CSPG4: variants seen among roughly 807,000 people sequenced by gnomAD.
The protein encoded by CSPG4 is chondroitin sulfate proteoglycan 4.
A neutral mutation model predicts 139.3 loss-of-function variants in CSPG4; 74 were observed. The ratio of observed to expected loss-of-function variants is 0.53; its 90% CI spans 0.44 to 0.64. The LOEUF (loss-of-function observed/expected upper bound fraction) is 0.64, where lower values mean the gene tolerates loss of function less well. Among genes scored for constraint, CSPG4 ranks in the 30% least tolerant of loss-of-function variants. The pLI is 0.00. For synonymous variants in CSPG4, 1,234 were observed against 1,394.2 expected (o/e 0.89, Z 2.56); for missense variants, 2,565 against 3,148.3 (o/e 0.81, Z 4.43).
At chr15:75,699,513 G>A (rs1325685780) in intron 1 of CSPG4, among the ~76,000 whole-genome samples, 3 of 152,210 alleles carry the variant, frequency 2.0e-5, no homozygotes, top group East Asian at 3.9e-4. Context: ...GAGGGAACCC[G>A]TCTGGAAGAT....
intron 5 of CSPG4, 105 bp downstream of exon 5, chr15:75,684,631 G>A (rs1392960437): frequency 2.2e-5 from 24 of 1,069,358 alleles, no homozygotes; most frequent in Non-Finnish European, 3.1e-5. Context: ...ATTTTGCAGA[G>A]GAGGAAACTG....
intron 1 of CSPG4, among the ~76,000 whole-genome samples, chr15:75,700,879 G>C (rs572146712): frequency 6.6e-6 from 1 of 152,162 alleles, no homozygotes; most frequent in Non-Finnish European, 1.5e-5. Flanking sequence ...GTGCACAGTA[G>C]CCTTGTGTGC....
intron 1 of CSPG4, among the ~76,000 whole-genome samples, chr15:75,704,236 G>A (rs1894341398): frequency 1.3e-5 from 2 of 151,716 alleles, no homozygotes. Flanking sequence ...CTAGGAGACT[G>A]AAGATTCCAC....
Position 75,689,308 on chromosome 15 carries a change from G to A in CSPG4, c.1757C>T (p.Ala586Val). The change falls in exon 3 of 10, where the codon GCC becomes GTC. Residue 586 changes from alanine (A) to valine (V), a missense_variant. Ala to Val is a moderately conservative substitution (Grantham distance 64, BLOSUM62 0). Around this residue, in one of 5 missense-constraint regions of CSPG4, gnomAD observed 2,316 missense variants for 2,818.2 expected, o/e 0.82. Transcript: ENST00000308508. ...GACCTGGAAGGTGAGGCCCTCACAG[G>A]CAGAGTCCGGGTCATAGGCCTGGAA... ...EVFQAYDPDS[A>V]CEGLTFQVLG... is the part of the protein sequence containing the mutation. 1 of 1,611,000 alleles carries A rather than the reference G, an allele frequency of 6.2e-7. No individual in the cohort carries two copies. Among genetic ancestry groups the A allele is most frequent in the Non-Finnish European group, 8.5e-7 (1 of 1,179,850 alleles).
intron 1 of CSPG4, among the ~76,000 whole-genome samples, chr15:75,707,902 T>G (rs1046664509): frequency 3.3e-5 from 5 of 152,068 alleles, no homozygotes; most frequent in African/African-American, 1.2e-4. Flanking sequence ...AGGTGGGATG[T>G]GTGCTCCCGG....
Position 75,688,865 on chromosome 15 carries a change from G to A in CSPG4, c.2200C>T (p.Arg734Trp), listed in dbSNP as rs141088377. 675 of 1,612,356 alleles carry A rather than the reference G, an allele frequency of 4.2e-4. 3 individuals carry two copies. Among genetic ancestry groups the A allele is most frequent in the Non-Finnish European group, 8.3e-5 (98 of 1,179,964 alleles). ...CTCACGCGGCCCTGCTCCACATCCC[G>A]CTGGTGGAACGCCTGTGTGGCCCAC... is the stretch of plus-strand genomic sequence containing the variant. ...EWWATQAFHQ[R>W]DVEQGRVRYL... Residue 734 changes from arginine (R) to tryptophan (W), a missense_variant, in exon 3 of 10, where the codon CGG becomes TGG. Arg to Trp is a moderately radical substitution (Grantham distance 101, BLOSUM62 -3). This residue lies in a region of CSPG4 where 2,316 missense variants were observed against 2,818.2 expected (regional missense o/e 0.82). Coordinates refer to ENST00000308508, the MANE Select transcript of CSPG4 (RefSeq NM_001897.5).
In CSPG4 at chr15:75,676,899, G is replaced by A. The variant is rs765136744; in HGVS notation, c.5620C>T (p.Arg1874Trp). The change falls in exon 10 of 10, where the codon CGG becomes TGG. Residue 1874 changes from arginine to tryptophan, a missense_variant. Arg to Trp is a moderately radical substitution (Grantham distance 101). This residue lies in a region of CSPG4 where 2,316 missense variants were observed against 2,818.2 expected (regional missense o/e 0.82). Coordinates refer to ENST00000308508, the MANE Select transcript of CSPG4 (RefSeq NM_001897.5). ...CTGAGGAAGCCGTTGTGGGGTGCCC[G>A]CTGGACCTCGTACTCAATCTCCCCA... ...APGEIEYEVQ[R>W]APHNGFLSLV... 4.4e-6 allele frequency: 7 copies of A among 1,581,390 alleles called. No individual in the cohort carries two copies. Among genetic ancestry groups the A allele is most frequent in the South Asian group, 1.1e-5 (1 of 87,830 alleles).
Position 75,676,835 on chromosome 15 carries a change from G to C in CSPG4, c.5684C>G (p.Thr1895Arg). 3.9e-6 allele frequency: 6 copies of C among 1,555,888 alleles called. No homozygotes were observed. The highest frequency in any genetic ancestry group is 5.2e-6 in the Non-Finnish European group (6 of 1,152,322). The change falls in exon 10 of 10, where the codon ACG (threonine) becomes AGG (arginine). Residue 1895 changes from threonine to arginine, a missense_variant. Physicochemically the swap from Thr to Arg is moderately conservative, Grantham distance 71. This residue lies in a region of CSPG4 where 2,316 missense variants were observed against 2,818.2 expected (regional missense o/e 0.82). Coordinates refer to ENST00000308508, the MANE Select transcript of CSPG4 (RefSeq NM_001897.5). ...CCGCCCTGAATCCACATCGGCTTGC[G>C]TGAAGCGGGTCACGGGCCCCAGGCC... is the stretch of plus-strand genomic sequence containing the variant. Reference protein sequence around the residue: ...GGGLGPVTRFTQADVDSGRLA... With the variant: ...GGGLGPVTRFRQADVDSGRLA...
At chr15:75,680,715 T>TA (rs1043765250) in intron 8 of CSPG4, 6 of 153,648 alleles carry the variant, frequency 3.9e-5, no homozygotes, top group African/African-American at 1.4e-4. Context: ...TTTTGCCTCT[T>TA]ACTCGCCATG....
intron 5 of CSPG4, among the ~76,000 whole-genome samples, chr15:75,683,377 A>G (rs557508788): frequency 5.3e-4 from 80 of 152,234 alleles, no homozygotes; most frequent in African/African-American, 1.9e-3. Context: ...AGAAACCCCC[A>G]GCGCTGACCA....
At chr15:75,707,382 C>T (rs1894387803) in intron 1 of CSPG4, among the ~76,000 whole-genome samples, 1 of 152,210 alleles carries the variant, frequency 6.6e-6, no homozygotes, top group East Asian at 1.9e-4. Flanking sequence ...CATGTTTAGA[C>T]TTGGGTCCCA....
intron 5 of CSPG4, 46 bp from the exon 6 acceptor site, chr15:75,683,087 A>G: frequency 2.6e-6 from 4 of 1,562,102 alleles, no homozygotes; most frequent in Non-Finnish European, 3.5e-6. Flanking sequence ...GCACTCACCC[A>G]CCCCTTCCTC....
upstream of CSPG4, chr15:75,712,870 G>C: frequency 1.2e-6 from 1 of 836,888 alleles, no homozygotes; most frequent in Non-Finnish European, 1.7e-6. Context: ...GGGTGTCCGC[G>C]CACTTAACTC....
Position 75,706,953 on chromosome 15 carries a change from CTT to C in CSPG4, c.88+5713_88+5714del, listed in dbSNP as rs34579443. On this transcript the variant is annotated intron_variant, in intron 1 of 9. Coordinates refer to ENST00000308508, the MANE Select transcript of CSPG4 (RefSeq NM_001897.5). ...CAGTGGAAAATCTCACACATAAGAA[CTT>C]TTTTTTTTTTTTTTTTTAGATGAAC... Among the ~76,000 whole-genome samples, 968 of 136,468 alleles carry C rather than the reference CTT, an allele frequency of 7.1e-3. 6 individuals carry two copies. Among genetic ancestry groups the C allele is most frequent in the African/African-American group, 0.019 (694 of 36,590 alleles). 89.5% of individuals were successfully genotyped at this position (136,468 alleles called of 152,430 possible).
At position 75,687,456 on chromosome 15, in the gene CSPG4, G is replaced by A. The variant is rs770597792; in HGVS notation, c.3609C>T (p.Gly1203=). 2.6e-5 allele frequency: 42 copies of A among 1,612,444 alleles called. No homozygotes were observed. In the South Asian group the frequency reaches 2.7e-4, roughly 11 times the overall value. Residue 1203 remains glycine (G), a synonymous_variant, in exon 3 of 10, where the codon GGC becomes GGT. Transcript: ENST00000308508. The surrounding 1 kb of genome is among the most constrained non-coding windows in gnomAD (Gnocchi z 5.4). The part of the protein sequence containing the change: ...LDGAVLYSHN[G]SLSPRDTMAF... Reference sequence around the variant, plus strand: ...CCATGGTGTCGCGGGGGCTGAGGCTGCCATTGTGGCTATAGAGAACGGCCC... The same window carrying A: ...CCATGGTGTCGCGGGGGCTGAGGCTACCATTGTGGCTATAGAGAACGGCCC...
Position 75,682,920 on chromosome 15 carries a change from C to CG in CSPG4, c.4570dup (p.Arg1524ProfsTer7). ...GCGCACCTCAGTGCCCGGCGCCCCC[C>CG]GCAGCACTACCCGCCCGTTGCTGGG... On this transcript the variant is annotated frameshift_variant, in exon 6 of 10. Coordinates refer to ENST00000308508, the MANE Select transcript of CSPG4 (RefSeq NM_001897.5). LOFTEE classifies it high-confidence loss of function. The CG allele has an allele frequency of 6.2e-7, 1 of 1,611,128 alleles. No individual in the cohort carries two copies. The highest frequency in any genetic ancestry group is 1.1e-5 in the South Asian group (1 of 90,980).
At position 75,674,525 on chromosome 15, in the gene CSPG4, G is replaced by A. The variant is rs1165513778; in HGVS notation, c.*1025C>T. Reference sequence around the variant, plus strand: ...CCTGGCCCTGTCCATCCCACTGGCTGAGGCCAGGCCGGAGGGCCGACCCCA... The same window carrying A: ...CCTGGCCCTGTCCATCCCACTGGCTAAGGCCAGGCCGGAGGGCCGACCCCA... On this transcript the variant is annotated 3_prime_UTR_variant, in exon 10 of 10. Transcript: ENST00000308508. 2.6e-6 allele frequency: 1 copy of A among 386,674 alleles called. No individual in the cohort carries two copies. Among genetic ancestry groups the A allele is most frequent in the Admixed American group, 4.5e-5 (1 of 22,244 alleles). The allele number at this position is 386,674 out of a possible 1,614,324, so 24.0% of individuals were successfully genotyped here. A position where few individuals can be genotyped will look rare whatever the true frequency, so the allele number is the denominator to read the frequency against.
In CSPG4 at chr15:75,675,439, G is replaced by T; in HGVS notation, c.*111C>A. On this transcript the variant is annotated 3_prime_UTR_variant, in exon 10 of 10. Coordinates refer to ENST00000308508, the MANE Select transcript of CSPG4 (RefSeq NM_001897.5). ...GACCCTCCACCCCTGGTGTCTCCAGGTCTCTCTTGCTCTGGGGATACTCAG... is the reference window on the plus strand; with the variant it reads ...GACCCTCCACCCCTGGTGTCTCCAGTTCTCTCTTGCTCTGGGGATACTCAG... The T allele has an allele frequency of 8.2e-7, 1 of 1,218,384 alleles. No homozygotes were observed. The highest frequency in any genetic ancestry group is 1.1e-6 in the Non-Finnish European group (1 of 933,992). The allele number at this position is 1,218,384 out of a possible 1,614,324, so 75.5% of individuals were successfully genotyped here. A position where few individuals can be genotyped will look rare whatever the true frequency, so the allele number is the denominator to read the frequency against.
chr15:75,677,182 C>T lies in CSPG4; in HGVS notation c.5337G>A (p.Leu1779=). The change falls in exon 10 of 10, where the codon CTG becomes CTA. Residue 1779 remains leucine, a synonymous_variant. Coordinates refer to ENST00000308508, the MANE Select transcript of CSPG4 (RefSeq NM_001897.5). The part of the protein sequence containing the change: ...AGQPHFLQSQ[L]AAGQLVYAHG... The stretch of plus-strand genomic sequence containing the variant: ...GGGCATACACTAGCTGCCCTGCAGC[C>T]AGCTGGGACTGCAGGAAGTGGGGCT... 2.1e-6 allele frequency: 3 copies of T among 1,435,976 alleles called. No homozygotes were observed. Among genetic ancestry groups the T allele is most frequent in the Non-Finnish European group, 2.7e-6 (3 of 1,091,870 alleles). The allele number at this position is 1,435,976 out of a possible 1,614,324, so 89.0% of individuals were successfully genotyped here. A position where few individuals can be genotyped will look rare whatever the true frequency, so the allele number is the denominator to read the frequency against.
Sources: allele counts gnomAD v4.1 joint callset (sites outside exome capture counted in the v4.1 genomes callset), GRCh38; gene constraint gnomAD v4.1.1; regional missense constraint gnomAD v4.1.1; non-coding constraint Gnocchi (gnomAD v3.1); transcripts MANE v1.5; gene names NCBI Gene and HGNC (gene_info 2026-07-23, HGNC 2026-07-21).